CPEB3: variants seen among roughly 807,000 people sequenced by gnomAD.
The protein encoded by CPEB3 is cytoplasmic polyadenylation element-binding protein 3.
Under a neutral mutation model 67.2 loss-of-function variants are expected in CPEB3, and 20 were observed. That is an observed-to-expected ratio of 0.30 (90% CI 0.21 to 0.43). The LOEUF (loss-of-function observed/expected upper bound fraction) is 0.43. Among genes scored for constraint, CPEB3 ranks in the 20% least tolerant of loss-of-function variants. The pLI, the probability that CPEB3 is intolerant of heterozygous loss-of-function variation, is 1.00. For synonymous variants in CPEB3, 376 were observed against 393.1 expected (o/e 0.96, Z 0.51); for missense variants, 746 against 968.6 (o/e 0.77, Z 3.05).
At chr10:92,277,099 T>C (rs1241112560) in intron 1 of CPEB3, among the ~76,000 whole-genome samples, 1 of 152,228 alleles carries the variant, frequency 6.6e-6, no homozygotes, top group Non-Finnish European at 1.5e-5. Context: ...CCATTCTATG[T>C]CTTTCCACTT....
Position 92,222,316 on chromosome 10 carries a change from TA to T in CPEB3, c.1005+17029del, listed in dbSNP as rs560251058. On this transcript the variant is annotated intron_variant, in intron 2 of 9. Transcript: ENST00000265997. Reference sequence around the variant, plus strand: ...CCTCCCAAAGTGCTGGGATTACAGGTATGAGCCACTGCACTCAGTTCTAAAC... The same window carrying T: ...CCTCCCAAAGTGCTGGGATTACAGGTTGAGCCACTGCACTCAGTTCTAAAC... 1.8e-3 allele frequency among the ~76,000 whole-genome samples: 274 copies of T among 152,024 alleles called. 1 individual carries two copies. The highest frequency in any genetic ancestry group is 6.4e-3 in the African/African-American group (266 of 41,456).
At chr10:92,215,870 T>C (rs1444805352) in intron 2 of CPEB3, among the ~76,000 whole-genome samples, 2 of 147,856 alleles carry the variant, frequency 1.4e-5, no homozygotes, top group Admixed American at 6.8e-5. Context: ...TGCCTCAGCC[T>C]CCCGAGTAGG....
intron 4 of CPEB3, among the ~76,000 whole-genome samples, chr10:92,177,485 G>A (rs901935672): frequency 6.6e-6 from 1 of 152,270 alleles, no homozygotes; most frequent in African/African-American, 2.4e-5. Flanking sequence ...CTCCATAAAG[G>A]CTGGCCTGCC....
chr10:92,153,908 G>A (rs1847082397), intron 4 of CPEB3, among the ~76,000 whole-genome samples: 3 of 151,402 alleles, frequency 2.0e-5, no homozygotes, highest in African/African-American at 7.3e-5. Flanking sequence ...TAAATGTGTA[G>A]GCAAAAATCC....
In CPEB3 at chr10:92,274,305, C is replaced by T. The variant is rs147717281; in HGVS notation, c.-12+16621G>A. On this transcript the variant is annotated intron_variant, in intron 1 of 9. Coordinates refer to ENST00000265997, the MANE Select transcript of CPEB3 (RefSeq NM_014912.5). Reference sequence around the variant, plus strand: ...TCATCTTTTCTCAAATGTCAATCTCCTCCCAGTTATGGCATCTCAAAAACT... The same window carrying T: ...TCATCTTTTCTCAAATGTCAATCTCTTCCCAGTTATGGCATCTCAAAAACT... 3.3e-4 allele frequency among the ~76,000 whole-genome samples: 51 copies of T among 152,286 alleles called. 1 individual carries two copies. In the East Asian group the frequency reaches 9.5e-3, roughly 28 times the overall value.
intron 1 of CPEB3, among the ~76,000 whole-genome samples, chr10:92,253,630 C>G (rs1009336145): frequency 6.6e-6 from 1 of 151,236 alleles, no homozygotes; most frequent in Non-Finnish European, 1.5e-5. Flanking sequence ...ATAGTCCCAG[C>G]TACTTGAGAG....
chr10:92,130,131 A>G (rs1320660243), intron 6 of CPEB3, among the ~76,000 whole-genome samples: 2 of 151,590 alleles, frequency 1.3e-5, no homozygotes, highest in African/African-American at 4.8e-5. Flanking sequence ...TCCCTGCATG[A>G]TAGTCCTCTG....
intron 3 of CPEB3, among the ~76,000 whole-genome samples, chr10:92,191,587 T>G (rs1360687654): frequency 6.6e-6 from 1 of 152,058 alleles, no homozygotes; most frequent in Admixed American, 6.6e-5. Context: ...TTCACAGTCA[T>G]TCACACTATA....
chr10:92,080,206 CAAAA>C (rs1176662337), intron 9 of CPEB3, among the ~76,000 whole-genome samples: 2 of 102,188 alleles, frequency 2.0e-5, no homozygotes, highest in Non-Finnish European at 2.1e-5. Flanking sequence ...GACTCCGTCT[CAAAA>C]AAAAAAAAAA....
intron 9 of CPEB3, among the ~76,000 whole-genome samples, chr10:92,064,380 G>A (rs1168998963): frequency 6.6e-6 from 1 of 152,190 alleles, no homozygotes; most frequent in Non-Finnish European, 1.5e-5. Context: ...GAAAACATTA[G>A]CTCTGAGGTT....
intron 9 of CPEB3, among the ~76,000 whole-genome samples, chr10:92,063,992 A>G (rs1842457010): frequency 6.6e-6 from 1 of 152,194 alleles, no homozygotes. Context: ...GGTCAAAAAA[A>G]GAAAGAAAGA....
At chr10:92,158,479 G>A (rs1271332821) in intron 4 of CPEB3, among the ~76,000 whole-genome samples, 3 of 151,882 alleles carry the variant, frequency 2.0e-5, no homozygotes, top group Non-Finnish European at 4.4e-5. Flanking sequence ...ACCATGCGGT[G>A]GTCACTCTGA....
intron 4 of CPEB3, among the ~76,000 whole-genome samples, chr10:92,170,275 T>C (rs116766560): frequency 0.013 from 2,028 of 152,346 alleles, 30 homozygotes; most frequent in African/African-American, 0.046. Flanking sequence ...ATTTAACATA[T>C]AAGATACTAA....
At chr10:92,099,579 C>A (rs928915528) in intron 7 of CPEB3, among the ~76,000 whole-genome samples, 1 of 151,702 alleles carries the variant, frequency 6.6e-6, no homozygotes, top group African/African-American at 2.4e-5. Context: ...TTTGGCCAGG[C>A]GTGGTGGCTC....
chr10:92,247,409 TG>T (rs1468628774), intron 1 of CPEB3, among the ~76,000 whole-genome samples: 2 of 151,948 alleles, frequency 1.3e-5, no homozygotes, highest in African/African-American at 4.8e-5. Flanking sequence ...TTTTATTATT[TG>T]TTTTGAGATG....
At chr10:92,235,227 C>T (rs867572621) in intron 2 of CPEB3, among the ~76,000 whole-genome samples, 3 of 152,110 alleles carry the variant, frequency 2.0e-5, no homozygotes, top group African/African-American at 7.2e-5. Flanking sequence ...AGGCAGATCA[C>T]TTGAGGTCAG....
chr10:92,131,233 T>C (rs1359529537), intron 6 of CPEB3, among the ~76,000 whole-genome samples: 1 of 152,136 alleles, frequency 6.6e-6, no homozygotes, highest in African/African-American at 2.4e-5. Flanking sequence ...CTGGTCCATC[T>C]CAACACCTAA....
At chr10:92,257,551 C>T (rs1401545991) in intron 1 of CPEB3, among the ~76,000 whole-genome samples, 3 of 152,134 alleles carry the variant, frequency 2.0e-5, no homozygotes, top group South Asian at 2.1e-4. Flanking sequence ...CTGCCTTGGC[C>T]TCCCAAGTGC....
chr10:92,163,565 T>C (rs1271808798), intron 4 of CPEB3, among the ~76,000 whole-genome samples: 3 of 152,204 alleles, frequency 2.0e-5, no homozygotes, highest in Admixed American at 2.0e-4. Flanking sequence ...GGAGTATTAG[T>C]CATAGAAAAA....
Sources: allele counts gnomAD v4.1 joint callset (sites outside exome capture counted in the v4.1 genomes callset), GRCh38; gene constraint gnomAD v4.1.1; transcripts MANE v1.5; gene names NCBI Gene and HGNC (gene_info 2026-07-23, HGNC 2026-07-21).